ADGRV1: variants seen among roughly 807,000 people sequenced by gnomAD.
ADGRV1 encodes G-protein coupled receptor 98.
Under a neutral mutation model 596.2 loss-of-function variants are expected in ADGRV1, and 359 were observed. That is an observed-to-expected ratio of 0.60 (90% CI 0.55 to 0.66). The LOEUF (loss-of-function observed/expected upper bound fraction) is 0.66. Among genes scored for constraint, ADGRV1 ranks in the 30% least tolerant of loss-of-function variants. ADGRV1 has a pLI of 0.00. For missense variants in ADGRV1, 7,274 were observed against 7,575.6 expected, an observed-to-expected ratio of 0.96 and a Z score of 1.48; for synonymous variants, 2,681 against 2,679.2, an observed-to-expected ratio of 1.00 and a Z score of -0.02.
intron 34 of ADGRV1, among the ~76,000 whole-genome samples, chr5:90,697,724 T>C (rs1183498986): frequency 6.6e-6 from 1 of 152,162 alleles, no homozygotes; most frequent in Non-Finnish European, 1.5e-5. Context: ...TTTTACATCA[T>C]ATGTAGGGTT....
At position 90,847,683 on chromosome 5, in the gene ADGRV1, G is replaced by A. The variant is rs113837286; in HGVS notation, c.17020-954G>A. ...CCCCGCAGGGAGGCAGCTAAGGCCC[G>A]GCAAGAAGTCGAGCACGGCAGCTGC... On this transcript the variant is annotated intron_variant, in intron 78 of 89. Transcript: ENST00000405460. Among the ~76,000 whole-genome samples the A allele has an allele frequency of 5.4e-3, 823 of 152,326 alleles. 10 individuals are homozygous for A. Among genetic ancestry groups the A allele is most frequent in the African/African-American group, 0.019 (779 of 41,564 alleles).
At chr5:90,887,242 T>G (rs1770395529) in intron 83 of ADGRV1, among the ~76,000 whole-genome samples, 1 of 152,134 alleles carries the variant, frequency 6.6e-6, no homozygotes, top group Non-Finnish European at 1.5e-5. Context: ...GGTGCCGTGG[T>G]CTCTGCCTGG....
intron 75 of ADGRV1, among the ~76,000 whole-genome samples, chr5:90,818,944 A>G (rs1392295752): frequency 6.6e-6 from 1 of 151,478 alleles, no homozygotes; most frequent in African/African-American, 2.4e-5. Flanking sequence ...TGAGTTAGGG[A>G]GGATTCCCTC....
At chr5:90,848,845 CA>C in intron 79 of ADGRV1, 24 bp downstream of exon 79, 1 of 1,517,624 alleles carries the variant, frequency 6.6e-7, no homozygotes, top group Non-Finnish European at 8.9e-7. Flanking sequence ...AATATATTAG[CA>C]GTACCTTTTA....
chr5:91,072,388 G>A (rs1646959581), intron 85 of ADGRV1, 59 bp from the exon 86 acceptor site: 2 of 1,375,864 alleles, frequency 1.5e-6, no homozygotes, highest in South Asian at 1.2e-5. Flanking sequence ...GATACATTCT[G>A]CATTTAGAAA....
At chr5:91,048,016 G>A (rs1370018422) in intron 85 of ADGRV1, among the ~76,000 whole-genome samples, 1 of 152,136 alleles carries the variant, frequency 6.6e-6, no homozygotes, top group African/African-American at 2.4e-5. Context: ...GACTTACTAA[G>A]GCATAAAGTT....
intron 78 of ADGRV1, among the ~76,000 whole-genome samples, chr5:90,845,273 A>C (rs1480181460): frequency 6.6e-6 from 1 of 152,222 alleles, no homozygotes; most frequent in Admixed American, 6.5e-5. Flanking sequence ...AACTGGAAAC[A>C]AAGACAATAG....
chr5:90,569,777 T>C (rs1415085298), intron 1 of ADGRV1, among the ~76,000 whole-genome samples: 1 of 152,088 alleles, frequency 6.6e-6, no homozygotes, highest in East Asian at 1.9e-4. Flanking sequence ...TCCTAACCTA[T>C]AATAATCTAG....
chr5:90,796,802 A>G (rs1760768418), intron 70 of ADGRV1, among the ~76,000 whole-genome samples: 1 of 152,198 alleles, frequency 6.6e-6, no homozygotes, highest in Non-Finnish European at 1.5e-5. Flanking sequence ...GCCAGAAGAG[A>G]GTGGGGGCCA....
At chr5:90,894,387 G>A (rs1389262781) in intron 83 of ADGRV1, among the ~76,000 whole-genome samples, 1 of 152,154 alleles carries the variant, frequency 6.6e-6, no homozygotes, top group Non-Finnish European at 1.5e-5. Context: ...AGAATTGGAT[G>A]TAATTTTAAC....
intron 39 of ADGRV1, 132 bp downstream of exon 39, chr5:90,709,041 A>G (rs1453711164): frequency 3.2e-5 from 19 of 588,842 alleles, no homozygotes; most frequent in Non-Finnish European, 5.4e-5. Context: ...ATGGGCTTTT[A>G]TATTTATTTT....
intron 85 of ADGRV1, among the ~76,000 whole-genome samples, chr5:91,028,745 T>TTTTG (rs1554200344): frequency 3.3e-5 from 5 of 149,364 alleles, no homozygotes; most frequent in Non-Finnish European, 5.9e-5. Flanking sequence ...TTTTTTTTTT[T>TTTTG]TTTTTTTTTT....
chr5:90,744,387 T>C (rs1314741829), intron 50 of ADGRV1, among the ~76,000 whole-genome samples: 1 of 152,186 alleles, frequency 6.6e-6, no homozygotes, highest in Non-Finnish European at 1.5e-5. Context: ...GCCTAATTAA[T>C]TAACTTGAAG....
chr5:90,806,859 AT>A (rs565402360), intron 72 of ADGRV1, among the ~76,000 whole-genome samples: 2,942 of 147,850 alleles, frequency 0.02, 91 homozygotes, highest in African/African-American at 0.069. Context: ...TTTATTTTTA[AT>A]TTTTTTTTTT....
At chr5:91,007,457 T>A (rs1474906984) in intron 85 of ADGRV1, among the ~76,000 whole-genome samples, 3 of 152,202 alleles carry the variant, frequency 2.0e-5, no homozygotes, top group Non-Finnish European at 4.4e-5. Flanking sequence ...CTGCCTCTTG[T>A]GGTCACGGTC....
chr5:90,868,621 C>T (rs76859973), intron 83 of ADGRV1, among the ~76,000 whole-genome samples: 2 of 150,982 alleles, frequency 1.3e-5, no homozygotes, highest in African/African-American at 2.4e-5. Context: ...GCCCTCCCCC[C>T]GCTAGAATAA....
At chr5:90,605,464 CAGA>C (rs1762001337) in intron 1 of ADGRV1, among the ~76,000 whole-genome samples, 2 of 150,902 alleles carry the variant, frequency 1.3e-5, no homozygotes, top group Non-Finnish European at 3.0e-5. Flanking sequence ...TGTATTAGAT[CAGA>C]TATTTACTTG....
At chr5:90,872,630 C>G (rs1768804073) in intron 83 of ADGRV1, among the ~76,000 whole-genome samples, 1 of 152,128 alleles carries the variant, frequency 6.6e-6, no homozygotes. Context: ...TTCCAGCACT[C>G]TATGGCATAG....
rs1265952005 is a variant in ADGRV1, at chr5:90,783,340, A to G, written c.13433+15A>G. 5.3e-6 allele frequency: 8 copies of G among 1,523,758 alleles called. No homozygotes were observed. The East Asian group carries it at 1.8e-4, about 34-fold the overall frequency. The allele number at this position is 1,523,758 out of a possible 1,614,324, so 94.4% of individuals were successfully genotyped here. A position where few individuals can be genotyped will look rare whatever the true frequency, so the allele number is the denominator to read the frequency against. On this transcript the variant is annotated intron_variant, in intron 66 of 89. Coordinates refer to ENST00000405460, the MANE Select transcript of ADGRV1 (RefSeq NM_032119.4). The stretch of plus-strand genomic sequence containing the variant: ...GACAATGAAAGGTTGGTATATAGAA[A>G]ATAATGTGGGCACATATAAGACATA...
Sources: gnomAD v4.1 joint callset for allele counts (sites outside exome capture counted in the v4.1 genomes callset) on GRCh38, gnomAD v4.1.1 for gene constraint, MANE v1.5 for transcripts, NCBI Gene and HGNC (gene_info 2026-07-23, HGNC 2026-07-21) for gene names.